Variants in TMED3 observed in about 807,000 individuals in gnomAD.
TMED3 encodes the protein transmembrane emp24 domain-containing protein 3.
In TMED3, 9 loss-of-function variants were observed where a neutral mutation model predicts 15.0. That is an observed-to-expected ratio of 0.60 (90% CI 0.36 to 1.04). The LOEUF is 1.04. TMED3 is among the 50% of genes least tolerant of loss of function. The pLI is 0.01. For missense variants in TMED3, 267 were observed against 278.9 expected, an observed-to-expected ratio of 0.96 and a Z score of 0.30; for synonymous variants, 117 against 121.4, an observed-to-expected ratio of 0.96 and a Z score of 0.24.
In TMED3 at chr15:79,311,433, C is replaced by G. The variant is rs1003239696; in HGVS notation, c.168+16C>G. The stretch of plus-strand genomic sequence containing the variant: ...GGATTACCAGGTGAGGCCGGGCGCC[C>G]GGCAGCGCTCCCTTCTCCCTCCACT... On this transcript the variant is annotated intron_variant, in intron 1 of 2. Coordinates refer to ENST00000299705, the MANE Select transcript of TMED3 (RefSeq NM_007364.4). The G allele has an allele frequency of 1.9e-6, 3 of 1,595,022 alleles. No individual in the cohort carries two copies. Among genetic ancestry groups the G allele is most frequent in the Non-Finnish European group, 2.6e-6 (3 of 1,170,788 alleles).
intron 2 of TMED3, among the ~76,000 whole-genome samples, chr15:79,370,675 G>A (rs1056621058): frequency 3.9e-5 from 6 of 152,192 alleles, no homozygotes; most frequent in Admixed American, 6.5e-5. Context: ...GACAGAATTC[G>A]GTTATTAATG....
At chr15:79,390,125 G>A (rs896888306) in intron 2 of TMED3, among the ~76,000 whole-genome samples, 8 of 152,030 alleles carry the variant, frequency 5.3e-5, no homozygotes, top group African/African-American at 1.4e-4. Flanking sequence ...CCAGTACTAC[G>A]TTAGGGAAGA....
At chr15:79,322,999 C>T (rs1401239900), downstream of TMED3, 10 of 700,090 alleles carry the variant, frequency 1.4e-5, no homozygotes, top group South Asian at 1.3e-4. Context: ...AATGACTCCT[C>T]CCAGGTGACT....
intron 2 of TMED3, among the ~76,000 whole-genome samples, chr15:79,401,160 G>A (rs973397460): frequency 6.6e-6 from 1 of 152,064 alleles, no homozygotes; most frequent in African/African-American, 2.4e-5. Flanking sequence ...AATATTTCCT[G>A]ACACAGAATA....
intron 2 of TMED3, among the ~76,000 whole-genome samples, chr15:79,409,965 T>C (rs1046466067): frequency 2.6e-5 from 4 of 152,134 alleles, no homozygotes; most frequent in African/African-American, 9.7e-5. Flanking sequence ...TACCCGAAGA[T>C]CCATTTTAGG....
chr15:79,363,075 A>T (rs1041890048), intron 2 of TMED3, among the ~76,000 whole-genome samples: 4 of 152,352 alleles, frequency 2.6e-5, no homozygotes, highest in South Asian at 4.1e-4. Context: ...ACAGTAATTC[A>T]TTAGATGAGA....
intron 2 of TMED3, among the ~76,000 whole-genome samples, chr15:79,353,603 C>CAT (rs758758333): frequency 8.0e-5 from 12 of 150,078 alleles, no homozygotes; most frequent in African/African-American, 2.7e-4. Flanking sequence ...CACACACACA[C>CAT]ACACAATTAC....
intron 2 of TMED3, among the ~76,000 whole-genome samples, chr15:79,392,037 C>T (rs1383130445): frequency 3.3e-5 from 5 of 152,092 alleles, no homozygotes; most frequent in South Asian, 2.1e-4. Context: ...TTATCCATTC[C>T]GCAGTTCTGT....
rs531511976 is a variant in TMED3, at chr15:79,407,956, A to G, written c.418-3444A>G. Among the ~76,000 whole-genome samples the G allele has an allele frequency of 3.3e-5, 5 of 152,316 alleles. No individual in the cohort carries two copies. The South Asian group carries it at 8.3e-4, about 25-fold the overall frequency. ...TTTTGTTCAGCCTTGCAGCGCAGCC[A>G]TTTACTAACTGTGAGATTTTGCGCA... On this transcript the variant is annotated intron_variant, in intron 2 of 2. Transcript: ENST00000424155.
In TMED3 at chr15:79,313,689, G is replaced by A. The variant is rs948543367; in HGVS notation, c.169-68G>A. 1.4e-5 allele frequency: 22 copies of A among 1,550,966 alleles called. No homozygotes were observed. The East Asian group carries it at 2.1e-4, about 15-fold the overall frequency. On this transcript the variant is annotated intron_variant, in intron 1 of 2. Coordinates refer to ENST00000299705, the MANE Select transcript of TMED3 (RefSeq NM_007364.4). ...GAAATGTTTGTAGAGTCTGATCACA[G>A]TGTCTGGTTGGCATTTGGTAAGTGG...
At chr15:79,384,912 G>A (rs890560061) in intron 2 of TMED3, among the ~76,000 whole-genome samples, 9 of 152,120 alleles carry the variant, frequency 5.9e-5, no homozygotes, top group African/African-American at 1.4e-4. Context: ...GCTGCAGTCC[G>A]TGGCATTCAC....
At chr15:79,324,401 T>A (rs2058780177), downstream of TMED3, among the ~76,000 whole-genome samples, 2 of 152,190 alleles carry the variant, frequency 1.3e-5, no homozygotes, top group Admixed American at 6.5e-5. Flanking sequence ...TCTATATAAT[T>A]TCAAACAGAG....
intron 2 of TMED3, among the ~76,000 whole-genome samples, chr15:79,399,179 G>A (rs1322202881): frequency 6.6e-6 from 1 of 152,138 alleles, no homozygotes; most frequent in Non-Finnish European, 1.5e-5. Flanking sequence ...CCAAAGTGCT[G>A]GAATTACAGG....
intron 2 of TMED3, among the ~76,000 whole-genome samples, chr15:79,350,199 T>C (rs35129644): frequency 6.6e-6 from 1 of 152,012 alleles, no homozygotes; most frequent in Non-Finnish European, 1.5e-5. Context: ...AATGGATGAA[T>C]AGCTGGACGG....
At chr15:79,311,546 T>A (rs1345832062) in intron 1 of TMED3, 129 bp downstream of exon 1, 7 of 1,158,664 alleles carry the variant, frequency 6.0e-6, no homozygotes, top group Admixed American at 2.9e-5. Context: ...GGGGTGGGAG[T>A]CCCCGGAGAC....
At chr15:79,350,129 G>T (rs1312939597) in intron 2 of TMED3, among the ~76,000 whole-genome samples, 1 of 152,154 alleles carries the variant, frequency 6.6e-6, no homozygotes, top group Non-Finnish European at 1.5e-5. Context: ...TTGTTGAAGG[G>T]CTGGGTTGAA....
chr15:79,378,799 T>C (rs1447826017), intron 2 of TMED3, among the ~76,000 whole-genome samples: 1 of 152,246 alleles, frequency 6.6e-6, no homozygotes, highest in Non-Finnish European at 1.5e-5. Flanking sequence ...CAAAATGTAA[T>C]ATGATTTAGT....
chr15:79,322,028 C>T lies in TMED3; in HGVS notation c.468C>T (p.Asp156=). 1 of 1,614,246 alleles carries T rather than the reference C, an allele frequency of 6.2e-7. No individual in the cohort carries two copies. Among genetic ancestry groups the T allele is most frequent in the Non-Finnish European group, 8.5e-7 (1 of 1,180,050 alleles). Reference sequence around the variant, plus strand: ...ATGAGGCTCTGAAAACGGTGATTGACTCCCAGACGCATTACCGGCTGCGGG... The same window carrying T: ...ATGAGGCTCTGAAAACGGTGATTGATTCCCAGACGCATTACCGGCTGCGGG... ...TIHEALKTVI[D]SQTHYRLREA... Residue 156 remains aspartate (D), a synonymous_variant, in exon 3 of 3, where the codon GAC becomes GAT. Coordinates refer to ENST00000299705, the MANE Select transcript of TMED3 (RefSeq NM_007364.4).
At chr15:79,348,597 T>G (rs1395720099) in intron 2 of TMED3, among the ~76,000 whole-genome samples, 2 of 152,214 alleles carry the variant, frequency 1.3e-5, no homozygotes, top group African/African-American at 4.8e-5. Flanking sequence ...AATACACTGT[T>G]AGGTGAAAAA....
Sources: allele counts gnomAD v4.1 joint callset (sites outside exome capture counted in the v4.1 genomes callset), GRCh38; gene constraint gnomAD v4.1.1; transcripts MANE v1.5; gene names NCBI Gene and HGNC (gene_info 2026-07-23, HGNC 2026-07-21).